ANK3: variants seen among roughly 807,000 people sequenced by gnomAD.
The protein encoded by ANK3 is ankyrin 3, also known as ankyrin-3.
A neutral mutation model predicts 370.9 loss-of-function variants in ANK3; 57 were observed. That is an observed-to-expected ratio of 0.15 (90% CI 0.12 to 0.19). The LOEUF (loss-of-function observed/expected upper bound fraction) is 0.19, where lower values mean the gene tolerates loss of function less well. Among genes scored for constraint, ANK3 ranks in the 10% least tolerant of loss-of-function variants. The probability of loss-of-function intolerance (pLI) is 1.00; values close to 1 mark genes in which losing one functional copy is unlikely to be tolerated. For synonymous variants in ANK3, 1,929 were observed against 1,946.3 expected, an observed-to-expected ratio of 0.99 and a Z score of 0.23; for missense variants, 4,439 against 5,302.1, an observed-to-expected ratio of 0.84 and a Z score of 5.06.
At chr10:60,564,114 A>G (rs1049611412) in intron 2 of ANK3, among the ~76,000 whole-genome samples, 1 of 152,210 alleles carries the variant, frequency 6.6e-6, no homozygotes, top group Non-Finnish European at 1.5e-5. Context: ...ATGGATGTGT[A>G]TGCACAAGAC....
At chr10:60,536,954 C>A (rs999100479) in intron 2 of ANK3, among the ~76,000 whole-genome samples, 1 of 151,962 alleles carries the variant, frequency 6.6e-6, no homozygotes, top group African/African-American at 2.4e-5. Context: ...TAATTGTAAT[C>A]AAAATTCTTC....
intron 2 of ANK3, among the ~76,000 whole-genome samples, chr10:60,610,221 G>T (rs2078182317): frequency 1.3e-5 from 2 of 152,100 alleles, no homozygotes; most frequent in African/African-American, 4.8e-5. Flanking sequence ...AAGGCAAGGA[G>T]GGCCCCTTTT....
At chr10:60,395,568 CT>C (rs1555367105) in intron 2 of ANK3, among the ~76,000 whole-genome samples, 1 of 116,684 alleles carries the variant, frequency 8.6e-6, no homozygotes, top group Non-Finnish European at 1.7e-5. Flanking sequence ...TTCTTTCTTT[CT>C]TTCTTTCTTT....
In ANK3 at chr10:60,476,780, G is replaced by A. The variant is rs374886192; in HGVS notation, c.96+138406C>T. Reference sequence around the variant, plus strand: ...ATCAACCTAAGCCAGTCAATGGACCGTCTGGAGATTCAGTCCTTTCATTTG... The same window carrying A: ...ATCAACCTAAGCCAGTCAATGGACCATCTGGAGATTCAGTCCTTTCATTTG... On this transcript the variant is annotated intron_variant, in intron 2 of 43. Transcript: ENST00000373827. Among the ~76,000 whole-genome samples, 386 of 152,256 alleles carry A rather than the reference G, an allele frequency of 2.5e-3. 4 individuals are homozygous for A. The highest frequency in any genetic ancestry group is 0.011 in the South Asian group (53 of 4,832).
At chr10:60,254,695 C>T (rs1255366814) in intron 7 of ANK3, among the ~76,000 whole-genome samples, 3 of 152,184 alleles carry the variant, frequency 2.0e-5, no homozygotes, top group Non-Finnish European at 4.4e-5. Context: ...GTGCACTGGT[C>T]TAAAATTCTA....
intron 1 of ANK3, among the ~76,000 whole-genome samples, chr10:60,284,405 A>G (rs1449830560): frequency 6.6e-6 from 1 of 152,180 alleles, no homozygotes; most frequent in Non-Finnish European, 1.5e-5. Context: ...TCCATTTCAT[A>G]GATAAGAAAA....
chr10:60,328,415 T>C (rs564254296), intron 1 of ANK3, among the ~76,000 whole-genome samples: 3 of 152,286 alleles, frequency 2.0e-5, no homozygotes, highest in African/African-American at 7.2e-5. Flanking sequence ...TTAGGAGCAA[T>C]TGTAAGCAAT....
intron 25 of ANK3, among the ~76,000 whole-genome samples, chr10:60,131,408 A>G (rs2094060682): frequency 6.6e-6 from 1 of 152,206 alleles, no homozygotes; most frequent in Non-Finnish European, 1.5e-5. Flanking sequence ...TTCTGTTTCT[A>G]CATTATCAAC....
chr10:60,336,041 G>A (rs114227444), intron 1 of ANK3, among the ~76,000 whole-genome samples: 1,944 of 151,866 alleles, frequency 0.013, 39 homozygotes, highest in African/African-American at 0.044. Context: ...GGATGCGGAA[G>A]TTTGATGATC....
At chr10:60,152,686 G>A (rs561408143) in intron 23 of ANK3, among the ~76,000 whole-genome samples, 40 of 151,796 alleles carry the variant, frequency 2.6e-4, no homozygotes, top group African/African-American at 8.0e-4. Flanking sequence ...TACAAAATAC[G>A]GCAACCACAC....
At chr10:60,219,384 C>T (rs867431966) in intron 8 of ANK3, among the ~76,000 whole-genome samples, 1 of 152,114 alleles carries the variant, frequency 6.6e-6, no homozygotes, top group Non-Finnish European at 1.5e-5. Flanking sequence ...TTTTTGTGGG[C>T]AGCAAGGGGT....
chr10:60,070,989 G>C lies in ANK3; in HGVS notation c.9892C>G (p.Pro3298Ala), dbSNP rs570562727. 4 of 1,614,096 alleles carry C rather than the reference G, an allele frequency of 2.5e-6. No homozygotes were observed. Among genetic ancestry groups the C allele is most frequent in the Non-Finnish European group, 3.4e-6 (4 of 1,180,006 alleles). The change falls in exon 37 of 44, where the codon CCT (proline) becomes GCT (alanine). Residue 3298 changes from proline (P) to alanine (A), a missense_variant. This residue lies in a region of ANK3 where 1,601 missense variants were observed against 1,731.7 expected (regional missense o/e 0.92). Coordinates refer to ENST00000280772, the MANE Select transcript of ANK3 (RefSeq NM_020987.5). This position sits in a 1 kb window ranked among gnomAD's most constrained non-coding sequence, Gnocchi z 5.7. The part of the protein sequence containing the change: ...DEHDKYQLAE[P>A]VIRVQPPSPV... ...GAAGGTGGCTGCACTCTAATGACAG[G>C]TTCAGCCAGCTGGTACTTGTCATGC...
chr10:60,061,362 T>G (rs897853762), intron 40 of ANK3, among the ~76,000 whole-genome samples: 5 of 152,258 alleles, frequency 3.3e-5, no homozygotes, highest in African/African-American at 1.2e-4. Context: ...CATTTTTGAC[T>G]GTATTTTAAG....
At chr10:60,177,129 A>C (rs977265377) in intron 18 of ANK3, among the ~76,000 whole-genome samples, 4 of 152,126 alleles carry the variant, frequency 2.6e-5, no homozygotes, top group Admixed American at 1.3e-4. Flanking sequence ...GTTTTTCATA[A>C]TTTGACAGCC....
intron 11 of ANK3, 37 bp from the exon 12 acceptor site, chr10:60,203,137 T>C: frequency 6.5e-7 from 1 of 1,534,504 alleles, no homozygotes; most frequent in Non-Finnish European, 9.0e-7. Context: ...TTTGTTGGCT[T>C]AGCATAAAAA....
chr10:60,096,068 G>A (rs1335930454), intron 28 of ANK3, among the ~76,000 whole-genome samples: 1 of 152,158 alleles, frequency 6.6e-6, no homozygotes, highest in East Asian at 1.9e-4. Flanking sequence ...CAGCTATCGG[G>A]AGGCTGAGGC....
intron 2 of ANK3, among the ~76,000 whole-genome samples, chr10:60,428,464 C>A (rs946462231): frequency 6.6e-6 from 1 of 152,192 alleles, no homozygotes; most frequent in Non-Finnish European, 1.5e-5. Context: ...CTGCCCCTTA[C>A]AATTTCCTAT....
Position 60,324,755 on chromosome 10 carries a change from A to G in ANK3, c.115-45116T>C, listed in dbSNP as rs142977012. ...TTCTAGAATATTCTCCATGCCACTC[A>G]GCGATTCACCAACCAAGATTATCTA... On this transcript the variant is annotated intron_variant, in intron 1 of 43. Coordinates refer to ENST00000280772, the MANE Select transcript of ANK3 (RefSeq NM_020987.5). Among the ~76,000 whole-genome samples the G allele has an allele frequency of 4.7e-3, 718 of 152,312 alleles. 10 individuals are homozygous for G. Among genetic ancestry groups the G allele is most frequent in the African/African-American group, 0.017 (692 of 41,558 alleles).
chr10:60,705,824 CTTT>C (rs11294932), intron 1 of ANK3, among the ~76,000 whole-genome samples: 4 of 94,526 alleles, frequency 4.2e-5, no homozygotes, highest in East Asian at 3.0e-4. Flanking sequence ...TTTTTTCTTT[CTTT>C]TTTTTTTTTT....
Sources: gnomAD v4.1 joint callset for allele counts (sites outside exome capture counted in the v4.1 genomes callset) on GRCh38, gnomAD v4.1.1 for gene constraint, gnomAD v4.1.1 regional missense constraint, Gnocchi (gnomAD v3.1) non-coding constraint, MANE v1.5 for transcripts, NCBI Gene and HGNC (gene_info 2026-07-23, HGNC 2026-07-21) for gene names.